The following PRKDC variants were observed in gnomAD, a reference collection of about 807,000 sequenced individuals.
PRKDC encodes DNA-dependent protein kinase catalytic subunit.
PRKDC carries 82 observed loss-of-function variants against 486.9 expected under a neutral mutation model. The ratio of observed to expected loss-of-function variants is 0.17; its 90% confidence interval spans 0.14 to 0.20. PRKDC has a LOEUF of 0.20. Ranked by LOEUF, PRKDC falls within the 10% of genes least tolerant of loss-of-function variation. The pLI is 1.00. For missense variants in PRKDC, 4,504 were observed against 5,038.2 expected, an observed-to-expected ratio of 0.89 and a Z score of 3.21; for synonymous variants, 1,895 against 1,837.0, an observed-to-expected ratio of 1.03 and a Z score of -0.81.
At position 47,836,433 on chromosome 8, in the gene PRKDC, C is replaced by T. The variant is rs138740003; in HGVS notation, c.7856G>A (p.Arg2619His). The part of the protein sequence containing the change: ...TQASQGTLQT[R>H]TQEGSLSARW... Reference sequence around the variant, plus strand: ...AGCTGAGAGGGACCCTTCCTGGGTACGGGTCTGGAGAGTGCCCTGGGAGGC... The same window carrying T: ...AGCTGAGAGGGACCCTTCCTGGGTATGGGTCTGGAGAGTGCCCTGGGAGGC... The change falls in exon 58 of 86, where the codon CGT (arginine) becomes CAT (histidine). Residue 2619 changes from arginine to histidine, a missense_variant. Arg to His is a conservative substitution (Grantham distance 29). This residue lies in a region of PRKDC where 1,592 missense variants were observed against 1,724.6 expected (regional missense o/e 0.92). Transcript: ENST00000314191. 15 of 1,612,608 alleles carry T rather than the reference C, an allele frequency of 9.3e-6. No homozygotes were observed. The highest frequency in any genetic ancestry group is 2.2e-5 in the East Asian group (1 of 44,852).
chr8:47,824,035 C>T, intron 63 of PRKDC, 39 bp from the exon 64 acceptor site: 9 of 1,470,142 alleles, frequency 6.1e-6, no homozygotes, highest in African/African-American at 1.4e-5. Context: ...AATGAACACT[C>T]CAGTATTTTA....
intron 76 of PRKDC, among the ~76,000 whole-genome samples, chr8:47,785,962 C>T (rs1267468446): frequency 5.9e-5 from 9 of 151,316 alleles, no homozygotes; most frequent in African/African-American, 7.3e-5. Flanking sequence ...AAAAATTAGT[C>T]GGGTGTGGTG....
intron 31 of PRKDC, 55 bp downstream of exon 31, chr8:47,893,084 C>G: frequency 6.6e-7 from 1 of 1,505,274 alleles, no homozygotes; most frequent in Non-Finnish European, 8.9e-7. Flanking sequence ...AGAGCCACTG[C>G]CCAGGGTGAC....
rs2089753472 is a variant in PRKDC at position 47,905,087 on chromosome 8, C to A, written c.2935-111G>T. 6.8e-6 allele frequency: 5 copies of A among 732,172 alleles called. No homozygotes were observed. In the East Asian group the frequency reaches 1.4e-4, roughly 20 times the overall value. The allele number at this position is 732,172 out of a possible 1,614,324, so 45.4% of individuals were successfully genotyped here. On this transcript the variant is annotated intron_variant, in intron 25 of 85. Coordinates refer to ENST00000314191, the MANE Select transcript of PRKDC (RefSeq NM_006904.7). ...AGTATAAAATTAAGTAATACTACTA[C>A]CATGGTTGTATTAGTTTCCTTTTTT...
At chr8:47,812,539 T>C (rs2087351367) in intron 68 of PRKDC, among the ~76,000 whole-genome samples, 1 of 152,142 alleles carries the variant, frequency 6.6e-6, no homozygotes, top group Non-Finnish European at 1.5e-5. Context: ...ACATGAGAGT[T>C]AGAAAAATAC....
chr8:47,897,059 A>G, intron 30 of PRKDC, 102 bp downstream of exon 30: 1 of 1,245,484 alleles, frequency 8.0e-7, no homozygotes, highest in Non-Finnish European at 1.1e-6. Flanking sequence ...ACTGAATACC[A>G]TGTTAACTGC....
chr8:47,813,200 C>T (rs949715449), intron 68 of PRKDC, among the ~76,000 whole-genome samples: 1 of 151,982 alleles, frequency 6.6e-6, no homozygotes, highest in African/African-American at 2.4e-5. Context: ...TCACTGCAAC[C>T]TCCACCTCCT....
At chr8:47,885,354 T>C (rs558183987) in intron 36 of PRKDC, among the ~76,000 whole-genome samples, 2 of 151,700 alleles carry the variant, frequency 1.3e-5, no homozygotes, top group South Asian at 2.1e-4. Flanking sequence ...GGTTTTGCCA[T>C]GTTCGCCAGG....
chr8:47,776,378 A>G (rs567833885), intron 85 of PRKDC, among the ~76,000 whole-genome samples: 137 of 152,326 alleles, frequency 9.0e-4, no homozygotes, highest in Non-Finnish European at 1.8e-3. Context: ...TATTTGCTTT[A>G]GACCTCAACA....
chr8:47,924,707 T>A (rs958388609), intron 21 of PRKDC, among the ~76,000 whole-genome samples: 5 of 152,070 alleles, frequency 3.3e-5, no homozygotes, highest in African/African-American at 7.2e-5. Context: ...ACACACACTC[T>A]CTCTCTCTCA....
At chr8:47,863,747 G>A (rs559629224) in intron 41 of PRKDC, among the ~76,000 whole-genome samples, 170 bp from the exon 42 acceptor site, 4 of 152,138 alleles carry the variant, frequency 2.6e-5, no homozygotes, top group Non-Finnish European at 5.9e-5. Context: ...TCTAGAACAC[G>A]AATATAAGCA....
intron 10 of PRKDC, among the ~76,000 whole-genome samples, chr8:47,942,351 A>C (rs1170951801): frequency 1.3e-5 from 2 of 152,158 alleles, no homozygotes; most frequent in Non-Finnish European, 2.9e-5. Flanking sequence ...TACAGCAGGG[A>C]GACTAAGGAG....
In PRKDC at chr8:47,785,316, G is replaced by C. The variant is rs189885909; in HGVS notation, c.10904C>G (p.Thr3635Ser). The C allele has an allele frequency of 8.1e-5, 127 of 1,569,434 alleles. No individual in the cohort carries two copies. In the African/African-American group the frequency reaches 1.5e-3, roughly 19 times the overall value. The change falls in exon 77 of 86, where the codon ACT (threonine) becomes AGT (serine). Residue 3635 changes from threonine (T) to serine (S), a missense_variant and splice_region_variant. By Grantham distance (58) the Thr-to-Ser change is moderately conservative. Around this residue, in one of 6 missense-constraint regions of PRKDC, gnomAD observed 706 missense variants for 945.0 expected, o/e 0.75. Transcript: ENST00000314191. Reference sequence around the variant, plus strand: ...ATGTTTATCAAATTCTTTTCCAAAAGTCTGAAATTAGTAAGAATTTACTAT... The same window carrying C: ...ATGTTTATCAAATTCTTTTCCAAAACTCTGAAATTAGTAAGAATTTACTAT... ...LGAFRRKFIQ[T>S]FGKEFDKHFG...
chr8:47,934,869 C>T (rs1028086674), intron 14 of PRKDC, 140 bp downstream of exon 14: 2 of 596,478 alleles, frequency 3.4e-6, no homozygotes, highest in Admixed American at 3.3e-5. Context: ...TTATGTCCTA[C>T]ACTTTTCAAA....
chr8:47,837,594 C>G (rs914064947), intron 56 of PRKDC, among the ~76,000 whole-genome samples, 175 bp from the exon 57 acceptor site: 1 of 152,062 alleles, frequency 6.6e-6, no homozygotes, highest in African/African-American at 2.4e-5. Flanking sequence ...AACATATCCA[C>G]TGAAGGAAGA....
At chr8:47,785,570 CA>C (rs2086776999) in intron 76 of PRKDC, among the ~76,000 whole-genome samples, 1 of 151,854 alleles carries the variant, frequency 6.6e-6, no homozygotes, top group Non-Finnish European at 1.5e-5. Context: ...CCCAACTCTA[CA>C]AAAAATAAAA....
At chr8:47,930,525 G>A (rs2090232564) in intron 17 of PRKDC, 147 bp downstream of exon 17, 2 of 683,980 alleles carry the variant, frequency 2.9e-6, no homozygotes, top group Non-Finnish European at 4.7e-6. Flanking sequence ...ACCTGCCTCG[G>A]CCTCCCAAAG....
chr8:47,921,040 T>C (rs1170267099), intron 21 of PRKDC, among the ~76,000 whole-genome samples: 2 of 152,026 alleles, frequency 1.3e-5, no homozygotes, highest in African/African-American at 4.8e-5. Flanking sequence ...GATCACGAGG[T>C]CAGGAGATCT....
At chr8:47,933,713 A>G (rs1242564204) in intron 15 of PRKDC, among the ~76,000 whole-genome samples, 1 of 152,236 alleles carries the variant, frequency 6.6e-6, no homozygotes, top group Non-Finnish European at 1.5e-5. Flanking sequence ...TGCTATTTAA[A>G]GCTAAAATGA....
Sources: gnomAD v4.1 joint callset for allele counts (sites outside exome capture counted in the v4.1 genomes callset) on GRCh38, gnomAD v4.1.1 for gene constraint, gnomAD v4.1.1 regional missense constraint, MANE v1.5 for transcripts, NCBI Gene and HGNC (gene_info 2026-07-23, HGNC 2026-07-21) for gene names.